FRAS1: variants seen among roughly 807,000 people sequenced by gnomAD.
FRAS1 encodes the protein extracellular matrix organizing protein FRAS1.
A neutral mutation model predicts 435.2 loss-of-function variants in FRAS1; 290 were observed. The ratio of observed to expected loss-of-function variants is 0.67; its 90% CI spans 0.61 to 0.73. The LOEUF is 0.73. Among genes scored for constraint, FRAS1 ranks in the 30% least tolerant of loss-of-function variants. FRAS1 has a pLI of 0.00. For missense variants in FRAS1, 4,860 were observed against 5,001.5 expected (o/e 0.97, Z 0.85); for synonymous variants, 1,800 against 1,851.0 (o/e 0.97, Z 0.71).
chr4:78,338,499 A>G (rs925975835), intron 20 of FRAS1, among the ~76,000 whole-genome samples: 1 of 152,180 alleles, frequency 6.6e-6, no homozygotes, highest in Non-Finnish European at 1.5e-5. Flanking sequence ...GGGGAGGGGA[A>G]TTTACTGGGT....
rs373614259 is a variant in FRAS1 at position 78,337,686 on chromosome 4, C to A, written c.2291C>A (p.Thr764Asn). 2.9e-5 allele frequency: 46 copies of A among 1,612,816 alleles called. No individual in the cohort carries two copies. The African/African-American group carries it at 5.3e-4, about 19-fold the overall frequency. ...GTCCCCCTGCCAGAGTGTCACCCAA[C>A]CTGCAGGCAGTGTCATGGGCCGTTG... is the stretch of plus-strand genomic sequence containing the variant. ...QEGSCTECHP[T>N]CRQCHGPLES... The change falls in exon 20 of 74, where the codon ACC becomes AAC. Residue 764 changes from threonine to asparagine, a missense_variant. By Grantham distance (65) the Thr-to-Asn change is moderately conservative. Transcript: ENST00000512123.
rs1352805618 is a variant in FRAS1, at chr4:78,126,337, C to CCCT, written c.108+60322_108+60324dup. 2.6e-5 allele frequency among the ~76,000 whole-genome samples: 4 copies of CCCT among 152,284 alleles called. No homozygotes were observed. The East Asian group carries it at 7.7e-4, about 29-fold the overall frequency. ...TTCCCTTGGCTAGGAAAGGGAAATC[C>CCCT]CCTGACCCCTTGCAGTTCCTGGGTG... On this transcript the variant is annotated intron_variant, in intron 2 of 73. Transcript: ENST00000512123.
At chr4:78,537,221 T>C in intron 72 of FRAS1, 21 bp downstream of exon 72, 1 of 1,607,702 alleles carries the variant, frequency 6.2e-7, no homozygotes. Flanking sequence ...TTCTCACTAT[T>C]AGTGTTAAAG....
chr4:78,228,664 C>A (rs1225361481), intron 2 of FRAS1, among the ~76,000 whole-genome samples: 1 of 152,146 alleles, frequency 6.6e-6, no homozygotes, highest in Non-Finnish European at 1.5e-5. Context: ...AAGTTATCTT[C>A]TTCTTATCTT....
At chr4:78,521,359 A>C (rs187249720) in intron 67 of FRAS1, among the ~76,000 whole-genome samples, 164 bp from the exon 68 acceptor site, 1 of 152,302 alleles carries the variant, frequency 6.6e-6, no homozygotes, top group East Asian at 1.9e-4. Flanking sequence ...GCTGTCATAC[A>C]ATTTTAATTG....
chr4:78,259,299 T>G (rs1410301518), intron 6 of FRAS1, among the ~76,000 whole-genome samples: 4 of 115,384 alleles, frequency 3.5e-5, no homozygotes, highest in African/African-American at 6.0e-5. Context: ...TCCACAATGG[T>G]TGAAGTAGTT....
chr4:78,276,359 G>T (rs545957733), intron 9 of FRAS1, among the ~76,000 whole-genome samples: 1 of 152,338 alleles, frequency 6.6e-6, no homozygotes, highest in South Asian at 2.1e-4. Context: ...TGCTGGCGAG[G>T]AGCTGTGTTC....
chr4:78,058,163 A>G, intron 1 of FRAS1, 78 bp downstream of exon 1: 2 of 1,328,600 alleles, frequency 1.5e-6, no homozygotes, highest in Non-Finnish European at 2.1e-6. Flanking sequence ...CGTGCAGTTT[A>G]AAAATCTCAG....
At chr4:78,079,544 C>G (rs1336892408) in intron 2 of FRAS1, among the ~76,000 whole-genome samples, 1 of 152,132 alleles carries the variant, frequency 6.6e-6, no homozygotes, top group African/African-American at 2.4e-5. Flanking sequence ...AACTGAAAGT[C>G]CAAGGGGATA....
At chr4:78,539,802 CA>C (rs1377701823) in intron 73 of FRAS1, among the ~76,000 whole-genome samples, 1 of 152,142 alleles carries the variant, frequency 6.6e-6, no homozygotes, top group Non-Finnish European at 1.5e-5. Flanking sequence ...AATCATAATA[CA>C]ATACAGCAAT....
chr4:78,345,495 CTT>C (rs1730571510), intron 20 of FRAS1, among the ~76,000 whole-genome samples: 1 of 151,956 alleles, frequency 6.6e-6, no homozygotes. Context: ...TCAACTTCCT[CTT>C]TATTCCTTCT....
intron 2 of FRAS1, among the ~76,000 whole-genome samples, chr4:78,123,214 C>T (rs907144571): frequency 1.3e-5 from 2 of 152,174 alleles, no homozygotes; most frequent in Non-Finnish European, 2.9e-5. Context: ...GTTTTCCCAG[C>T]ACCATGTATT....
intron 2 of FRAS1, among the ~76,000 whole-genome samples, chr4:78,161,660 T>C (rs557333777): frequency 6.7e-6 from 1 of 148,366 alleles, no homozygotes; most frequent in Non-Finnish European, 1.5e-5. Flanking sequence ...TGCCTGCATC[T>C]TCTGTCAGCA....
intron 32 of FRAS1, among the ~76,000 whole-genome samples, chr4:78,415,448 G>A (rs1733516894): frequency 6.6e-6 from 1 of 152,164 alleles, no homozygotes; most frequent in Non-Finnish European, 1.5e-5. Context: ...TAATTCAGTG[G>A]ATCTGGTGTA....
intron 50 of FRAS1, among the ~76,000 whole-genome samples, chr4:78,467,670 GCTAATTTA>G (rs1719576163): frequency 6.6e-6 from 1 of 152,074 alleles, no homozygotes; most frequent in Non-Finnish European, 1.5e-5. Context: ...TAGTGGTTGT[GCTAATTTA>G]CATTCCCACC....
chr4:78,262,208 A>C (rs1355712433), intron 6 of FRAS1, among the ~76,000 whole-genome samples: 2 of 152,122 alleles, frequency 1.3e-5, no homozygotes, highest in African/African-American at 4.8e-5. Context: ...CACTGCTTTG[A>C]AGGCTCTTTC....
At chr4:78,365,778 T>C (rs2110298952) in intron 22 of FRAS1, among the ~76,000 whole-genome samples, 1 of 143,122 alleles carries the variant, frequency 7.0e-6, no homozygotes. Context: ...CTGACCAACA[T>C]GGTGAAACCT....
At position 78,331,443 on chromosome 4, in the gene FRAS1, T is replaced by G. The variant is rs558430669; in HGVS notation, c.2138-1829T>G. On this transcript the variant is annotated intron_variant, in intron 18 of 73. Coordinates refer to ENST00000512123, the MANE Select transcript of FRAS1 (RefSeq NM_025074.7). ...AGGCTGCAGCAGAGCACTGGAAGGC[T>G]TAGGGCAACAGTCATATACCAACCT... Among the ~76,000 whole-genome samples, 5 of 152,266 alleles carry G rather than the reference T, an allele frequency of 3.3e-5. No homozygotes were observed. In the East Asian group the frequency reaches 9.6e-4, roughly 29 times the overall value.
rs140773488 is a variant in FRAS1 at position 78,076,141 on chromosome 4, A to G, written c.108+10125A>G. Among the ~76,000 whole-genome samples, 175 of 152,152 alleles carry G rather than the reference A, an allele frequency of 1.2e-3. 1 individual carries two copies. Among genetic ancestry groups the G allele is most frequent in the South Asian group, 1.0e-2 (48 of 4,812 alleles). On this transcript the variant is annotated intron_variant, in intron 2 of 73. Transcript: ENST00000512123. The stretch of plus-strand genomic sequence containing the variant: ...CCATGTCCAGGTGCAGTTTCTCTGT[A>G]GAGCTTTGGAGGGGGTGTGGGTGGC...
Sources: allele counts gnomAD v4.1 joint callset (sites outside exome capture counted in the v4.1 genomes callset), GRCh38; gene constraint gnomAD v4.1.1; transcripts MANE v1.5; gene names NCBI Gene and HGNC (gene_info 2026-07-23, HGNC 2026-07-21).